The following PITPNM1 variants were observed in gnomAD, a reference collection of about 807,000 sequenced individuals.
PITPNM1 encodes the protein membrane-associated phosphatidylinositol transfer protein 1.
A neutral mutation model predicts 133.3 loss-of-function variants in PITPNM1; 74 were observed. That is an observed-to-expected ratio of 0.56 (90% CI 0.46 to 0.67). The LOEUF is 0.67. Ranked by LOEUF, PITPNM1 falls within the 30% of genes least tolerant of loss-of-function variation. PITPNM1 has a pLI of 0.00. For missense variants in PITPNM1, 1,398 were observed against 1,739.5 expected (o/e 0.80, Z 3.49); for synonymous variants, 738 against 741.4 (o/e 1.00, Z 0.08).
At chr11:67,493,285 G>GCCTGA in intron 22 of PITPNM1, 125 bp downstream of exon 22, 1 of 1,153,898 alleles carries the variant, frequency 8.7e-7, no homozygotes, top group Non-Finnish European at 1.2e-6. Flanking sequence ...GTAGCGGGCC[G>GCCTGA]CTGCAGTCAG....
chr11:67,492,481 C>T (rs915554346), intron 23 of PITPNM1, among the ~76,000 whole-genome samples, 185 bp from the exon 24 acceptor site: 6 of 152,240 alleles, frequency 3.9e-5, no homozygotes, highest in African/African-American at 1.4e-4. Context: ...GGCTGTGCTC[C>T]TAGCTCTGCC....
chr11:67,504,045 T>A lies in PITPNM1; in HGVS notation c.78+58A>T, dbSNP rs1395770713. The stretch of plus-strand genomic sequence containing the variant: ...GCCGGTCCCAGCCCCGGGGCAGGGC[T>A]GGCGGGGTCGGCAGGGCTCCACCCC... On this transcript the variant is annotated intron_variant, in intron 2 of 23. Coordinates refer to ENST00000356404, the MANE Select transcript of PITPNM1 (RefSeq NM_004910.3). The surrounding 1 kb of genome is among the most constrained non-coding windows in gnomAD (Gnocchi z 5.4). 1.5e-6 allele frequency: 2 copies of A among 1,378,308 alleles called. No individual in the cohort carries two copies. The highest frequency in any genetic ancestry group is 2.9e-5 in the African/African-American group (2 of 69,652). The allele number at this position is 1,378,308 out of a possible 1,614,324, so 85.4% of individuals were successfully genotyped here. A position where few individuals can be genotyped will look rare whatever the true frequency, so the allele number is the denominator to read the frequency against.
chr11:67,493,858 C>A, intron 20 of PITPNM1, 21 bp from the exon 21 acceptor site: 3 of 1,530,718 alleles, frequency 2.0e-6, no homozygotes, highest in Non-Finnish European at 2.6e-6. Context: ...CGGGGCGGGG[C>A]GTGAGTGGCG....
At chr11:67,505,739 G>A (rs1866488200), upstream of PITPNM1, among the ~76,000 whole-genome samples, 1 of 152,198 alleles carries the variant, frequency 6.6e-6, no homozygotes, top group African/African-American at 2.4e-5. The surrounding 1 kb of genome is among the most constrained non-coding windows in gnomAD (Gnocchi z 5.8). Context: ...CACCAGTCTA[G>A]CCAGAAGCTG....
intron 5 of PITPNM1, among the ~76,000 whole-genome samples, chr11:67,500,842 C>T (rs1457266675): frequency 6.6e-6 from 1 of 152,100 alleles, no homozygotes; most frequent in Non-Finnish European, 1.5e-5. Context: ...AAGGTTGTAG[C>T]GAAAGATGAT....
At position 67,497,260 on chromosome 11, in the gene PITPNM1, A is replaced by G; in HGVS notation, c.2117T>C (p.Leu706Pro). ...CAGGGCGGGCATCACAGTTTTGCGC[A>G]GAGCCAGCACCAGGCCCAGTGGGGA... is the stretch of plus-strand genomic sequence containing the variant. ...FGSPLGLVLA[L>P]RKTVMPALEA... is the part of the protein sequence containing the mutation. Residue 706 changes from leucine to proline, a missense_variant, in exon 14 of 24, where the codon CTG becomes CCG. Coordinates refer to ENST00000356404, the MANE Select transcript of PITPNM1 (RefSeq NM_004910.3). 1 of 1,611,334 alleles carries G rather than the reference A, an allele frequency of 6.2e-7. No individual in the cohort carries two copies. Among genetic ancestry groups the G allele is most frequent in the Non-Finnish European group, 8.5e-7 (1 of 1,178,926 alleles).
Position 67,497,835 on chromosome 11 carries a change from G to C in PITPNM1, c.1782+82C>G, listed in dbSNP as rs531612516. On this transcript the variant is annotated intron_variant, in intron 12 of 23. Transcript: ENST00000356404. ...AGCAGGGGGCCTGCCTGCTGGCAGA[G>C]GGGTGGCATTCCAGGGGGCAGAGAC... 1.7e-4 allele frequency: 244 copies of C among 1,478,612 alleles called. No homozygotes were observed. In the South Asian group the frequency reaches 2.2e-3, roughly 13 times the overall value. 91.6% of individuals were successfully genotyped at this position (1,478,612 alleles called of 1,614,324 possible).
chr11:67,493,116 G>C (rs1279567342), intron 22 of PITPNM1, 54 bp from the exon 23 acceptor site: 1 of 1,605,130 alleles, frequency 6.2e-7, no homozygotes, highest in African/African-American at 1.3e-5. Flanking sequence ...TGCAGCTGGG[G>C]GCGGGGCCTG....
At position 67,494,903 on chromosome 11, in the gene PITPNM1, G is replaced by A. The variant is rs1866063867; in HGVS notation, c.2685C>T (p.Tyr895=). The change falls in exon 18 of 24, where the codon TAC becomes TAT. Residue 895 remains tyrosine (Y), a synonymous_variant. Transcript: ENST00000356404. ...QLAECEEPSI[Y]SPAFPREKWQ... is the part of the protein sequence containing the mutation. Reference sequence around the variant, plus strand: ...ACTTCTCCCTGGGGAAGGCCGGGCTGTAGATGGACGGCTCCTCGCATTCCG... The same window carrying A: ...ACTTCTCCCTGGGGAAGGCCGGGCTATAGATGGACGGCTCCTCGCATTCCG... The A allele has an allele frequency of 6.2e-7, 1 of 1,612,920 alleles. No individual in the cohort carries two copies. Among genetic ancestry groups the A allele is most frequent in the South Asian group, 1.1e-5 (1 of 91,088 alleles).
Position 67,493,598 on chromosome 11 carries a change from G to A in PITPNM1, c.3159-5C>T. On this transcript the variant is annotated splice_region_variant and splice_polypyrimidine_tract_variant and intron_variant, in intron 21 of 23. Coordinates refer to ENST00000356404, the MANE Select transcript of PITPNM1 (RefSeq NM_004910.3). ...TAGCCGGAGTCCTGCCAGTGCCTGT[G>A]GGGCGGGGGCAGCGGTCAGCTCCGC... 1 of 1,546,638 alleles carries A rather than the reference G, an allele frequency of 6.5e-7. No homozygotes were observed. The highest frequency in any genetic ancestry group is 1.2e-5 in the South Asian group (1 of 84,354).
Position 67,502,274 on chromosome 11 carries a change from C to A in PITPNM1, c.415+18G>T, listed in dbSNP as rs1333941400. ...CCTGAGAGGGGCGCCAGGGTCCCCC[C>A]ATAGCTCCAGGCCTCACCCAGGATG... On this transcript the variant is annotated intron_variant, in intron 4 of 23. Coordinates refer to ENST00000356404, the MANE Select transcript of PITPNM1 (RefSeq NM_004910.3). This position sits in a 1 kb window ranked among gnomAD's most constrained non-coding sequence, Gnocchi z 5.9. 1 of 1,610,628 alleles carries A rather than the reference C, an allele frequency of 6.2e-7. No individual in the cohort carries two copies. The highest frequency in any genetic ancestry group is 8.5e-7 in the Non-Finnish European group (1 of 1,179,076).
At chr11:67,496,628 C>T (rs181496995) in intron 14 of PITPNM1, 125 of 424,624 alleles carry the variant, frequency 2.9e-4, no homozygotes, top group African/African-American at 2.3e-3. Context: ...GGTGAAACCC[C>T]GTCTCCATTA....
chr11:67,493,479 G>C lies in PITPNM1; in HGVS notation c.3273C>G (p.Ser1091=). 1 of 1,604,974 alleles carries C rather than the reference G, an allele frequency of 6.2e-7. No individual in the cohort carries two copies. Among genetic ancestry groups the C allele is most frequent in the African/African-American group, 1.3e-5 (1 of 74,970 alleles). ...SQHNFPHGVV[S]FCDGLTHDPL... ...GGTCGTGGGTGAGGCCGTCGCAGAA[G>C]GAGACGACGCCGTGGGGGAAGTTGT... The change falls in exon 22 of 24, where the codon TCC becomes TCG. Residue 1091 remains serine (S), a synonymous_variant. Transcript: ENST00000356404.
intron 5 of PITPNM1, among the ~76,000 whole-genome samples, 158 bp downstream of exon 5, chr11:67,501,704 C>T (rs1030140523): frequency 4.6e-5 from 7 of 152,214 alleles, no homozygotes; most frequent in Non-Finnish European, 1.0e-4. Context: ...GGATGCCTGG[C>T]TAGGCTGTGC....
At position 67,495,561 on chromosome 11, in the gene PITPNM1, G is replaced by T; in HGVS notation, c.2359C>A (p.Leu787Met). The T allele has an allele frequency of 6.3e-7, 1 of 1,587,208 alleles. No homozygotes were observed. Among genetic ancestry groups the T allele is most frequent in the Non-Finnish European group, 8.5e-7 (1 of 1,170,176 alleles). Reference sequence around the variant, plus strand: ...GGTGTTGAGGGCACCAGCATCTCCAGCTCCTCCAGAAAGAGGCTGGAGTGC... The same window carrying T: ...GGTGTTGAGGGCACCAGCATCTCCATCTCCTCCAGAAAGAGGCTGGAGTGC... ...QTHSSLFLEE[L>M]EMLVPSTPTS... Residue 787 changes from leucine (L) to methionine (M), a missense_variant, in exon 16 of 24, where the codon CTG becomes ATG. Coordinates refer to ENST00000356404, the MANE Select transcript of PITPNM1 (RefSeq NM_004910.3).
At position 67,499,915 on chromosome 11, in the gene PITPNM1, G is replaced by C. The variant is rs776256803; in HGVS notation, c.1062C>G (p.His354Gln). The C allele has an allele frequency of 2.5e-6, 4 of 1,611,528 alleles. No individual in the cohort carries two copies. The highest frequency in any genetic ancestry group is 1.7e-5 in the Admixed American group (1 of 59,984). ...NSSEEEFFDA[H>Q]EGFSDSEEVF... ...CCCAAAAAGGGCCTCAGTGCTGACC[G>C]TGGGCATCAAAGAACTCTTCCTCGG... The change falls in exon 7 of 24, where the codon CAC becomes CAG. Residue 354 changes from histidine (H) to glutamine (Q), a missense_variant and splice_region_variant. Physicochemically the swap from His to Gln is conservative, Grantham distance 24. Around this residue, in one of 5 missense-constraint regions of PITPNM1, gnomAD observed 195 missense variants for 178.8 expected, o/e 1.09. Transcript: ENST00000356404.
chr11:67,495,117 T>C lies in PITPNM1; in HGVS notation c.2591A>G (p.Tyr864Cys), dbSNP rs1251741505. The C allele has an allele frequency of 6.2e-7, 1 of 1,612,832 alleles. No individual in the cohort carries two copies. Among genetic ancestry groups the C allele is most frequent in the Admixed American group, 1.7e-5 (1 of 60,004 alleles). Residue 864 changes from tyrosine (Y) to cysteine (C), a missense_variant, in exon 17 of 24, where the codon TAC (tyrosine) becomes TGC (cysteine). Transcript: ENST00000356404. Reference sequence around the variant, plus strand: ...CGCCACCACGTCGGCGGACTCCCAGTAGCTGGCGTGGAAGAGGTGGGGCAG... The same window carrying C: ...CGCCACCACGTCGGCGGACTCCCAGCAGCTGGCGTGGAAGAGGTGGGGCAG... ...VTLPHLFHASYWESADVVAFI... is the reference protein window; with the variant it reads ...VTLPHLFHASCWESADVVAFI...
intron 16 of PITPNM1, 76 bp from the exon 17 acceptor site, chr11:67,495,301 T>G (rs972725510): frequency 6.7e-7 from 1 of 1,484,954 alleles, no homozygotes; most frequent in Non-Finnish European, 9.0e-7. Flanking sequence ...TGCTCTTCCC[T>G]CCCCCCTTTT....
Position 67,493,757 on chromosome 11 carries a change from G to A in PITPNM1, c.3089C>T (p.Ser1030Phe). The A allele has an allele frequency of 6.5e-7, 1 of 1,549,002 alleles. No homozygotes were observed. Among genetic ancestry groups the A allele is most frequent in the Non-Finnish European group, 8.7e-7 (1 of 1,147,514 alleles). The change falls in exon 21 of 24, where the codon TCC becomes TTC. Residue 1030 changes from serine to phenylalanine, a missense_variant. Around this residue, in one of 5 missense-constraint regions of PITPNM1, gnomAD observed 233 missense variants for 378.0 expected, o/e 0.62. Coordinates refer to ENST00000356404, the MANE Select transcript of PITPNM1 (RefSeq NM_004910.3). ...CATGATGGAGACGCTGGCGGTGAAG[G>A]AGCCGTCGATGCTGAAGACCACAGC... ...TEAVVFSIDG[S>F]FTASVSIMGS...
Sources: gnomAD v4.1 joint callset for allele counts (sites outside exome capture counted in the v4.1 genomes callset) on GRCh38, gnomAD v4.1.1 for gene constraint, gnomAD v4.1.1 regional missense constraint, Gnocchi (gnomAD v3.1) non-coding constraint, MANE v1.5 for transcripts, NCBI Gene and HGNC (gene_info 2026-07-23, HGNC 2026-07-21) for gene names.